The following COLEC10 variants were observed in gnomAD, a reference collection of about 807,000 sequenced individuals.
The protein encoded by COLEC10 is collectin subfamily member 10.
In COLEC10, 22 loss-of-function variants were observed where a neutral mutation model predicts 28.4. The observed-to-expected ratio is 0.78, with a 90% CI of 0.55 to 1.11. The LOEUF is 1.11. Ranked by LOEUF, COLEC10 falls within the 50% of genes least tolerant of loss-of-function variation. COLEC10 has a pLI of 0.00. For synonymous variants in COLEC10, 125 were observed against 116.1 expected, an observed-to-expected ratio of 1.08 and a Z score of -0.49; for missense variants, 361 against 344.1, an observed-to-expected ratio of 1.05 and a Z score of -0.39.
At chr8:119,052,703 C>T (rs1814694246) in intron 2 of COLEC10, among the ~76,000 whole-genome samples, 1 of 152,034 alleles carries the variant, frequency 6.6e-6, no homozygotes, top group Non-Finnish European at 1.5e-5. Flanking sequence ...TGTTTCTGTG[C>T]CATTCTATCT....
chr8:119,033,535 TAAAC>T (rs1308286802), intron 2 of COLEC10, among the ~76,000 whole-genome samples: 2 of 151,982 alleles, frequency 1.3e-5, no homozygotes, highest in Non-Finnish European at 2.9e-5. Flanking sequence ...ACAAGAAACT[TAAAC>T]AAATTTACAA....
intron 2 of COLEC10, among the ~76,000 whole-genome samples, chr8:119,032,497 G>T (rs1587008544): frequency 6.6e-6 from 1 of 152,270 alleles, no homozygotes. Context: ...AATTCTACAG[G>T]CCATGGTTTT....
At chr8:118,988,069 T>TTCCAGA in the COLEC10 span, among the ~76,000 whole-genome samples, 1 of 152,112 alleles carries the variant, frequency 6.6e-6, no homozygotes. Flanking sequence ...CTGAGATCTG[T>TTCCAGA]TCACCTGGAA....
intron 3 of COLEC10, among the ~76,000 whole-genome samples, chr8:119,091,648 C>T (rs1026359573): frequency 1.3e-5 from 2 of 148,644 alleles, no homozygotes; most frequent in African/African-American, 5.0e-5. Flanking sequence ...TTGAGGATAC[C>T]CTTAATCATT....
At chr8:118,983,704 T>C in the COLEC10 span, among the ~76,000 whole-genome samples, 3 of 152,146 alleles carry the variant, frequency 2.0e-5, no homozygotes, top group Non-Finnish European at 4.4e-5. Context: ...AAAAGAAGAC[T>C]TACATGCAGC....
chr8:118,997,282 C>T (rs1397081418), intron 1 of COLEC10, among the ~76,000 whole-genome samples: 11 of 152,010 alleles, frequency 7.2e-5, no homozygotes, highest in Admixed American at 2.6e-4. Context: ...TTGATTGTTT[C>T]GTTCCCTGTG....
the COLEC10 span, among the ~76,000 whole-genome samples, chr8:118,977,320 A>G: frequency 8.7e-5 from 13 of 149,240 alleles, no homozygotes; most frequent in Admixed American, 3.4e-4. Flanking sequence ...TTGCGGCATT[A>G]TTCACAGTAG....
chr8:119,039,536 A>G (rs982487632), intron 2 of COLEC10, among the ~76,000 whole-genome samples: 7 of 152,198 alleles, frequency 4.6e-5, no homozygotes, highest in African/African-American at 1.7e-4. Flanking sequence ...GAAACTCTGA[A>G]GACATAAGGA....
intron 1 of COLEC10, among the ~76,000 whole-genome samples, chr8:119,077,494 T>C (rs1321480277): frequency 3.3e-5 from 5 of 152,154 alleles, no homozygotes; most frequent in Non-Finnish European, 7.3e-5. Context: ...CTAAAATGGG[T>C]CATATCATTA....
chr8:119,018,526 T>C (rs1669957258), intron 2 of COLEC10, among the ~76,000 whole-genome samples: 1 of 152,208 alleles, frequency 6.6e-6, no homozygotes, highest in South Asian at 2.1e-4. Flanking sequence ...GGCTAAGCTA[T>C]ACAAAATAAA....
At chr8:119,072,273 A>G (rs1815139254) in intron 1 of COLEC10, among the ~76,000 whole-genome samples, 1 of 150,566 alleles carries the variant, frequency 6.6e-6, no homozygotes, top group Non-Finnish European at 1.5e-5. Flanking sequence ...GCACACATTG[A>G]GTAGCTGAGC....
At chr8:119,062,218 G>T (rs1026264046) in intron 2 of COLEC10, among the ~76,000 whole-genome samples, 4 of 152,020 alleles carry the variant, frequency 2.6e-5, no homozygotes, top group African/African-American at 4.8e-5. Context: ...CTAGGAATGA[G>T]AGAGACATCT....
chr8:119,070,476 T>TCTCTCC (rs1554627418), intron 1 of COLEC10, among the ~76,000 whole-genome samples: 94 of 99,090 alleles, frequency 9.5e-4, no homozygotes, highest in East Asian at 8.2e-3. Context: ...TCTCTCTCTC[T>TCTCTCC]CCTTCCCCCT....
the COLEC10 span, among the ~76,000 whole-genome samples, chr8:118,984,936 CCAT>C: frequency 6.6e-6 from 1 of 152,214 alleles, no homozygotes; most frequent in South Asian, 2.1e-4. Flanking sequence ...TTTTTTAAAA[CCAT>C]CATATCTCGT....
At chr8:119,091,274 G>C (rs1311391713) in intron 3 of COLEC10, 54 bp downstream of exon 3, 54 of 1,335,028 alleles carry the variant, frequency 4.0e-5, no homozygotes, top group Non-Finnish European at 5.8e-5. Flanking sequence ...TTGAGGCCGG[G>C]TACGATGGCT....
the COLEC10 span, among the ~76,000 whole-genome samples, chr8:118,965,007 A>G: frequency 6.6e-6 from 1 of 152,180 alleles, no homozygotes; most frequent in Non-Finnish European, 1.5e-5. Context: ...TCAAAGAGAG[A>G]GACTTCATAG....
the COLEC10 span, among the ~76,000 whole-genome samples, chr8:118,987,542 A>G: frequency 2.6e-5 from 4 of 152,136 alleles, no homozygotes; most frequent in African/African-American, 9.7e-5. Context: ...TCAGCCTGGG[A>G]AACGGGGTGA....
chr8:119,089,169 G>T (rs1350741506), intron 1 of COLEC10, among the ~76,000 whole-genome samples: 1 of 152,172 alleles, frequency 6.6e-6, no homozygotes, highest in Non-Finnish European at 1.5e-5. Context: ...AGGTGCTGGA[G>T]CTACAGTTGC....
chr8:118,968,866 G>A, the COLEC10 span, among the ~76,000 whole-genome samples: 5 of 151,930 alleles, frequency 3.3e-5, no homozygotes, highest in African/African-American at 9.7e-5. Flanking sequence ...GTGAGAACAT[G>A]TGGTGTTTGG....
Sources: allele counts gnomAD v4.1 joint callset (sites outside exome capture counted in the v4.1 genomes callset), GRCh38; gene constraint gnomAD v4.1.1; transcripts MANE v1.5; gene names NCBI Gene and HGNC (gene_info 2026-07-23, HGNC 2026-07-21).